Variants in ZNF578 observed in about 807,000 individuals in gnomAD.
ZNF578 encodes zinc finger protein 578.
Under a neutral mutation model 8.3 loss-of-function variants are expected in ZNF578, and 8 were observed. The ratio of observed to expected loss-of-function variants is 0.96; its 90% CI spans 0.56 to 1.74. The LOEUF (loss-of-function observed/expected upper bound fraction) is 1.74. Ranked by LOEUF, ZNF578 falls within the 40% of genes most tolerant of loss-of-function variation. ZNF578 has a pLI of 0.00. For synonymous variants in ZNF578, 206 were observed against 232.2 expected, an observed-to-expected ratio of 0.89 and a Z score of 1.03; for missense variants, 726 against 707.5, an observed-to-expected ratio of 1.03 and a Z score of -0.30.
Position 52,480,637 on chromosome 19 carries a change from C to T in ZNF578, c.-121-10687C>T, listed in dbSNP as rs192395016. Among the ~76,000 whole-genome samples, 178 of 151,802 alleles carry T rather than the reference C, an allele frequency of 1.2e-3. 3 individuals are homozygous for T. The South Asian group carries it at 0.025, about 21-fold the overall frequency. On this transcript the variant is annotated intron_variant, in intron 2 of 5. Transcript: ENST00000421239. Reference sequence around the variant, plus strand: ...TTTTGGCCGGGCACAGTGGCTCATGCCTATAATCCCAGCACTTTAAGAGGC... The same window carrying T: ...TTTTGGCCGGGCACAGTGGCTCATGTCTATAATCCCAGCACTTTAAGAGGC...
intron 2 of ZNF578, among the ~76,000 whole-genome samples, chr19:52,482,337 A>G (rs772075193): frequency 1.3e-5 from 2 of 151,674 alleles, no homozygotes; most frequent in Non-Finnish European, 2.9e-5. Flanking sequence ...CCCAGCCCAT[A>G]GTAGATTTTA....
At position 52,511,828 on chromosome 19, in the gene ZNF578, T is replaced by C. The variant is rs1599920537; in HGVS notation, c.1447T>C (p.Tyr483His). 2 of 1,613,786 alleles carry C rather than the reference T, an allele frequency of 1.2e-6. No homozygotes were observed. The highest frequency in any genetic ancestry group is 1.7e-6 in the Non-Finnish European group (2 of 1,179,914). The change falls in exon 6 of 6, where the codon TAC becomes CAC. Residue 483 changes from tyrosine (Y) to histidine (H), a missense_variant. Coordinates refer to ENST00000421239, the MANE Select transcript of ZNF578 (RefSeq NM_001099694.2). ...GATAATTCATACTGGAGAGAAACCT[T>C]ACAAGTGTAATGAGTGTCACAAGAC... ...HKIIHTGEKPYKCNECHKTFS... is the reference protein window; with the variant it reads ...HKIIHTGEKPHKCNECHKTFS...
intron 2 of ZNF578, among the ~76,000 whole-genome samples, chr19:52,477,304 G>A (rs2059311152): frequency 6.6e-6 from 1 of 152,136 alleles, no homozygotes; most frequent in South Asian, 2.1e-4. Flanking sequence ...TTTCTTCTGG[G>A]ACCCACCCCT....
chr19:52,473,063 C>CA (rs1416592901), intron 2 of ZNF578, among the ~76,000 whole-genome samples: 1 of 152,158 alleles, frequency 6.6e-6, no homozygotes, highest in Non-Finnish European at 1.5e-5. Context: ...CCTCAGCATA[C>CA]AAAATCTATC....
At chr19:52,492,334 C>T (rs1032125042) in intron 3 of ZNF578, among the ~76,000 whole-genome samples, 5 of 152,156 alleles carry the variant, frequency 3.3e-5, no homozygotes, top group Non-Finnish European at 5.9e-5. Context: ...TGCCCGCATC[C>T]CTGCTGTGTT....
chr19:52,498,262 T>C (rs1363349971), intron 3 of ZNF578, among the ~76,000 whole-genome samples: 1 of 151,808 alleles, frequency 6.6e-6, no homozygotes, highest in Non-Finnish European at 1.5e-5. Flanking sequence ...GTTCAAGCAA[T>C]TCTTTTGCCT....
intron 4 of ZNF578, among the ~76,000 whole-genome samples, chr19:52,502,483 T>C (rs2122941960): frequency 6.6e-6 from 1 of 152,276 alleles, no homozygotes; most frequent in Middle Eastern, 3.4e-3. Flanking sequence ...ACACTTGTAA[T>C]CACAGCACTT....
intron 3 of ZNF578, among the ~76,000 whole-genome samples, chr19:52,499,229 C>G (rs1444095749): frequency 3.3e-5 from 5 of 151,998 alleles, no homozygotes; most frequent in African/African-American, 1.2e-4. Context: ...TGTGACTTTT[C>G]TTCTGGGAGA....
intron 2 of ZNF578, among the ~76,000 whole-genome samples, chr19:52,468,469 C>G (rs934441022): frequency 6.6e-6 from 1 of 152,198 alleles, no homozygotes; most frequent in Non-Finnish European, 1.5e-5. Flanking sequence ...ATTGAAGTCT[C>G]TCCTAACCAA....
chr19:52,475,602 C>A (rs552964714), intron 2 of ZNF578, among the ~76,000 whole-genome samples: 8 of 152,178 alleles, frequency 5.3e-5, no homozygotes, highest in Non-Finnish European at 1.2e-4. Flanking sequence ...CATGATCCAC[C>A]CGCCTCGGCA....
At chr19:52,468,222 C>A (rs1240797954) in intron 2 of ZNF578, among the ~76,000 whole-genome samples, 1 of 152,066 alleles carries the variant, frequency 6.6e-6, no homozygotes, top group Non-Finnish European at 1.5e-5. Flanking sequence ...ATTTCTGTAG[C>A]TTTTGGAAAA....
intron 3 of ZNF578, among the ~76,000 whole-genome samples, chr19:52,500,660 G>A (rs1463221210): frequency 6.6e-6 from 1 of 152,020 alleles, no homozygotes; most frequent in Non-Finnish European, 1.5e-5. Context: ...TGGGATTACA[G>A]TCCTGAGCCA....
chr19:52,508,306 T>G (rs534029638), intron 5 of ZNF578, among the ~76,000 whole-genome samples: 8 of 151,726 alleles, frequency 5.3e-5, no homozygotes, highest in African/African-American at 1.9e-4. Context: ...ACTGTACCAC[T>G]GCACTCCAGC....
intron 2 of ZNF578, among the ~76,000 whole-genome samples, chr19:52,478,353 C>T (rs1457932200): frequency 6.6e-6 from 1 of 152,148 alleles, no homozygotes; most frequent in Admixed American, 6.5e-5. Flanking sequence ...TTGTATCGGG[C>T]CTTATGGAGA....
chr19:52,461,555 C>A (rs2059257982), intron 2 of ZNF578, among the ~76,000 whole-genome samples: 1 of 152,148 alleles, frequency 6.6e-6, no homozygotes, highest in Non-Finnish European at 1.5e-5. Context: ...AACTGGTATC[C>A]AAACTCCTTC....
At chr19:52,476,675 G>A (rs1427200906) in intron 2 of ZNF578, among the ~76,000 whole-genome samples, 1 of 152,154 alleles carries the variant, frequency 6.6e-6, no homozygotes, top group East Asian at 1.9e-4. Context: ...GCAACATAGA[G>A]CTGAAAAGTA....
At chr19:52,503,644 A>G (rs1441209452) in intron 4 of ZNF578, among the ~76,000 whole-genome samples, 1 of 152,142 alleles carries the variant, frequency 6.6e-6, no homozygotes, top group Non-Finnish European at 1.5e-5. Flanking sequence ...AGACTGACCA[A>G]TCATGATAGT....
chr19:52,474,670 T>C, intron 2 of ZNF578: 1 of 303,994 alleles, frequency 3.3e-6, no homozygotes, highest in East Asian at 8.6e-5. Flanking sequence ...AATTCTCTGA[T>C]GATTGATAAG....
chr19:52,480,303 C>T (rs752637428), intron 2 of ZNF578, among the ~76,000 whole-genome samples: 3 of 152,146 alleles, frequency 2.0e-5, no homozygotes, highest in Non-Finnish European at 2.9e-5. Flanking sequence ...ACCAGTTTCT[C>T]TTCTTTCTGG....
Sources: allele counts gnomAD v4.1 joint callset (sites outside exome capture counted in the v4.1 genomes callset), GRCh38; gene constraint gnomAD v4.1.1; transcripts MANE v1.5; gene names NCBI Gene and HGNC (gene_info 2026-07-23, HGNC 2026-07-21).